SNX3: variants seen among roughly 807,000 people sequenced by gnomAD.
The protein encoded by SNX3 is sorting nexin-3.
Under a neutral mutation model 17.7 loss-of-function variants are expected in SNX3, and 5 were observed. The ratio of observed to expected loss-of-function variants is 0.28; its 90% confidence interval spans 0.15 to 0.59. The LOEUF (loss-of-function observed/expected upper bound fraction) is 0.59, where lower values mean the gene tolerates loss of function less well. Ranked by LOEUF, SNX3 falls within the 20% of genes least tolerant of loss-of-function variation. SNX3 has a pLI of 0.88. For synonymous variants in SNX3, 91 were observed against 76.5 expected (o/e 1.19, Z -0.99); for missense variants, 132 against 206.8 (o/e 0.64, Z 2.22).
chr6:108,222,386 C>G, intron 2 of SNX3: 5 of 1,287,696 alleles, frequency 3.9e-6, no homozygotes, highest in Non-Finnish European at 5.1e-6. Context: ...CTACCAAATT[C>G]TATTCTAAGA....
In SNX3 at chr6:108,212,232, G is replaced by A. The variant is rs1356995290; in HGVS notation, c.406C>T (p.Gln136Ter). 6.2e-7 allele frequency: 1 copy of A among 1,611,114 alleles called. No individual in the cohort carries two copies. The highest frequency in any genetic ancestry group is 8.5e-7 in the Non-Finnish European group (1 of 1,178,458). Residue 136 changes from glutamine to a stop codon, truncating the protein, a stop_gained, in exon 4 of 4, where the codon CAG becomes TAG. Transcript: ENST00000230085. LOFTEE classifies it high-confidence loss of function. ...INKVAGHPLA[Q>*]NERCLHMFLQ... is the part of the protein sequence containing the mutation. ...AACATGTGAAGACAACGTTCGTTCTGTGCCAGAGGATGACCAGCGACCCTG... is the reference window on the plus strand; with the variant it reads ...AACATGTGAAGACAACGTTCGTTCTATGCCAGAGGATGACCAGCGACCCTG...
At chr6:108,219,826 G>A (rs1188816166) in intron 2 of SNX3, among the ~76,000 whole-genome samples, 1 of 152,002 alleles carries the variant, frequency 6.6e-6, no homozygotes, top group Non-Finnish European at 1.5e-5. Context: ...CCAACCTAAA[G>A]CAATATACAC....
rs1221047479 is a variant in SNX3, at chr6:108,211,243, T to G, written c.*906A>C. The stretch of plus-strand genomic sequence containing the variant: ...GGTATTTTATCTTTGAAAGTCCTTT[T>G]AATAAATGAGATTATAAAGCAGTTT... On this transcript the variant is annotated 3_prime_UTR_variant, in exon 4 of 4. Coordinates refer to ENST00000230085, the MANE Select transcript of SNX3 (RefSeq NM_003795.6). 1 of 152,180 alleles carries G rather than the reference T, an allele frequency of 6.6e-6. No individual in the cohort carries two copies. Among genetic ancestry groups the G allele is most frequent in the Non-Finnish European group, 1.5e-5 (1 of 68,038 alleles). The allele number at this position is 152,180 out of a possible 1,614,324, so 9.4% of individuals were successfully genotyped here.
intron 2 of SNX3, among the ~76,000 whole-genome samples, chr6:108,220,403 A>G (rs1045401694): frequency 6.6e-6 from 1 of 152,018 alleles, no homozygotes; most frequent in African/African-American, 2.4e-5. Context: ...ATTTTTTACC[A>G]TATCTTTTAT....
intron 1 of SNX3, among the ~76,000 whole-genome samples, chr6:108,238,150 T>C (rs1775409116): frequency 6.9e-6 from 1 of 145,304 alleles, no homozygotes; most frequent in Admixed American, 6.9e-5. Flanking sequence ...CTATAATGGA[T>C]ACCCCTCTCC....
intron 1 of SNX3, among the ~76,000 whole-genome samples, chr6:108,229,501 G>T (rs1775074563): frequency 7.1e-6 from 1 of 141,796 alleles, no homozygotes; most frequent in Non-Finnish European, 1.5e-5. Context: ...TTGAACTCCT[G>T]GGCTCAAGGG....
Position 108,249,597 on chromosome 6 carries a change from C to T in SNX3, c.162+11163G>A, listed in dbSNP as rs150449385. Reference sequence around the variant, plus strand: ...CTGCCCACTAGTTTATCAGCACCAACTTTCTTTCCTTTATGTGGGTATTCA... The same window carrying T: ...CTGCCCACTAGTTTATCAGCACCAATTTTCTTTCCTTTATGTGGGTATTCA... On this transcript the variant is annotated intron_variant, in intron 1 of 3. Coordinates refer to ENST00000230085, the MANE Select transcript of SNX3 (RefSeq NM_003795.6). Among the ~76,000 whole-genome samples, 488 of 152,250 alleles carry T rather than the reference C, an allele frequency of 3.2e-3. 4 individuals are homozygous for T. The highest frequency in any genetic ancestry group is 0.011 in the African/African-American group (472 of 41,540).
Position 108,221,532 on chromosome 6 carries a change from C to CTTTTTTTTTT in SNX3, c.258+1408_258+1417dup, listed in dbSNP as rs554429322. Among the ~76,000 whole-genome samples, 17 of 57,776 alleles carry CTTTTTTTTTT rather than the reference C, an allele frequency of 2.9e-4. 5 individuals carry two copies. The highest frequency in any genetic ancestry group is 1.4e-3 in the East Asian group (2 of 1,406). 37.9% of individuals were successfully genotyped at this position (57,776 alleles called of 152,430 possible). A position where few individuals can be genotyped will look rare whatever the true frequency, so the allele number is the denominator to read the frequency against. The stretch of plus-strand genomic sequence containing the variant: ...GTATTACAAGGAATACAGTATTACA[C>CTTTTTTTTTT]TTTTTTTTTTTTTTTTTTTTTTTTT... On this transcript the variant is annotated intron_variant, in intron 2 of 3. Transcript: ENST00000230085.
intron 1 of SNX3, among the ~76,000 whole-genome samples, chr6:108,259,432 C>T (rs774449317): frequency 2.0e-5 from 3 of 152,058 alleles, no homozygotes; most frequent in African/African-American, 4.8e-5. Flanking sequence ...GGGGTTTCTC[C>T]ATGCTGGTCA....
chr6:108,244,555 G>C (rs1775623689), intron 1 of SNX3, among the ~76,000 whole-genome samples: 1 of 150,184 alleles, frequency 6.7e-6, no homozygotes, highest in Admixed American at 6.6e-5. Flanking sequence ...GTGGCATTAA[G>C]TAAATCCATA....
chr6:108,226,046 C>CAAAAA (rs35559458), intron 1 of SNX3, among the ~76,000 whole-genome samples: 1 of 63,234 alleles, frequency 1.6e-5, no homozygotes, highest in Non-Finnish European at 3.2e-5. Context: ...CCCTCTCTCT[C>CAAAAA]AAAAAAAAAA....
chr6:108,234,749 T>C (rs1416937236), intron 1 of SNX3, among the ~76,000 whole-genome samples: 2 of 152,176 alleles, frequency 1.3e-5, no homozygotes, highest in Non-Finnish European at 2.9e-5. Flanking sequence ...ATCATTAACA[T>C]GATTATATAC....
chr6:108,218,933 T>C (rs1774668982), intron 2 of SNX3, among the ~76,000 whole-genome samples: 1 of 152,212 alleles, frequency 6.6e-6, no homozygotes, highest in Non-Finnish European at 1.5e-5. Flanking sequence ...TGCTCTAAAA[T>C]TGACTAGTGC....
At chr6:108,219,560 A>C (rs1448295815) in intron 2 of SNX3, among the ~76,000 whole-genome samples, 2 of 152,224 alleles carry the variant, frequency 1.3e-5, no homozygotes, top group Non-Finnish European at 2.9e-5. Context: ...ATAGTATGCT[A>C]TGATCACGCC....
chr6:108,212,928 C>T (rs925347428), intron 3 of SNX3, among the ~76,000 whole-genome samples: 1 of 144,192 alleles, frequency 6.9e-6, no homozygotes, highest in African/African-American at 2.6e-5. Context: ...TGCTCTATCA[C>T]CCAGGCTAGA....
chr6:108,230,459 G>C (rs1247380603), intron 1 of SNX3, among the ~76,000 whole-genome samples: 3 of 152,260 alleles, frequency 2.0e-5, no homozygotes, highest in Non-Finnish European at 4.4e-5. Flanking sequence ...CAATAGATCA[G>C]CCGATGTGGG....
intron 2 of SNX3, among the ~76,000 whole-genome samples, chr6:108,215,218 C>T (rs1045744114): frequency 5.3e-5 from 8 of 152,078 alleles, no homozygotes; most frequent in African/African-American, 1.4e-4. Flanking sequence ...GGCGTGGTGG[C>T]GGGCGCCTGT....
chr6:108,240,296 G>C (rs1012890807), intron 1 of SNX3, among the ~76,000 whole-genome samples: 15 of 152,174 alleles, frequency 9.9e-5, no homozygotes, highest in African/African-American at 3.6e-4. Context: ...TCGGCTCACT[G>C]TAACCTCTGC....
At chr6:108,246,913 CA>C (rs1479451813) in intron 1 of SNX3, among the ~76,000 whole-genome samples, 1 of 152,118 alleles carries the variant, frequency 6.6e-6, no homozygotes, top group African/African-American at 2.4e-5. Flanking sequence ...CAGAGTTTAG[CA>C]TGGGAAAAGA....
Sources: gnomAD v4.1 joint callset for allele counts (sites outside exome capture counted in the v4.1 genomes callset) on GRCh38, gnomAD v4.1.1 for gene constraint, MANE v1.5 for transcripts, NCBI Gene and HGNC (gene_info 2026-07-23, HGNC 2026-07-21) for gene names.